TRHDE: variants seen among roughly 807,000 people sequenced by gnomAD.
TRHDE encodes thyrotropin-releasing hormone-degrading ectoenzyme.
TRHDE carries 72 observed loss-of-function variants against 125.7 expected under a neutral mutation model. That is an observed-to-expected ratio of 0.57 (90% CI 0.47 to 0.70). The LOEUF (loss-of-function observed/expected upper bound fraction) is 0.70, where lower values mean the gene tolerates loss of function less well. Ranked by LOEUF, TRHDE falls within the 30% of genes least tolerant of loss-of-function variation. TRHDE has a pLI of 0.00. For synonymous variants in TRHDE, 509 were observed against 509.1 expected (o/e 1.00, Z 0.00); for missense variants, 1,110 against 1,327.1 (o/e 0.84, Z 2.54).
At chr12:72,342,729 T>G (rs1402166840) in intron 2 of TRHDE, among the ~76,000 whole-genome samples, 1 of 152,096 alleles carries the variant, frequency 6.6e-6, no homozygotes, top group Admixed American at 6.6e-5. Context: ...TTAGAACACA[T>G]TCATTGATTT....
intron 2 of TRHDE, among the ~76,000 whole-genome samples, chr12:72,165,218 A>G (rs1876718232): frequency 6.6e-6 from 1 of 152,198 alleles, no homozygotes; most frequent in African/African-American, 2.4e-5. Context: ...TTGTTACACC[A>G]AGGGACTTCT....
intron 12 of TRHDE, among the ~76,000 whole-genome samples, chr12:72,586,199 TA>T (rs1354691963): frequency 6.6e-6 from 1 of 152,204 alleles, no homozygotes; most frequent in Non-Finnish European, 1.5e-5. Flanking sequence ...ACACTAGTCA[TA>T]AATATAAAAG....
At chr12:72,115,341 C>T (rs1322779905) in intron 2 of TRHDE, among the ~76,000 whole-genome samples, 1 of 150,488 alleles carries the variant, frequency 6.6e-6, no homozygotes, top group Non-Finnish European at 1.5e-5. Flanking sequence ...ACATAATGAC[C>T]TCTAGTTCCG....
At chr12:72,593,059 A>T (rs1321499518) in intron 12 of TRHDE, among the ~76,000 whole-genome samples, 2 of 152,216 alleles carry the variant, frequency 1.3e-5, no homozygotes, top group Non-Finnish European at 2.9e-5. Flanking sequence ...TACAGTGATC[A>T]GCCAGAAAAG....
At chr12:72,352,573 T>G (rs1026765454) in intron 2 of TRHDE, among the ~76,000 whole-genome samples, 1 of 151,854 alleles carries the variant, frequency 6.6e-6, no homozygotes, top group Non-Finnish European at 1.5e-5. Flanking sequence ...CTAGTAATTA[T>G]AAGCTTCCTA....
intron 7 of TRHDE, among the ~76,000 whole-genome samples, chr12:72,548,719 T>G (rs1265500977): frequency 6.6e-6 from 1 of 151,766 alleles, no homozygotes; most frequent in Non-Finnish European, 1.5e-5. Flanking sequence ...AATCCTCACA[T>G]AAAATTGATT....
intron 3 of TRHDE, among the ~76,000 whole-genome samples, chr12:72,380,824 TCCCTCTCTCCCTCCCTCCC>T: frequency 6.8e-6 from 1 of 146,976 alleles, no homozygotes; most frequent in African/African-American, 2.5e-5. Flanking sequence ...CCTTATTCCC[TCCCTCTCTCCCTCCCTCCC>T]TCCTTCTCTC....
chr12:72,315,588 C>T (rs1050352959), intron 2 of TRHDE, among the ~76,000 whole-genome samples: 23 of 152,136 alleles, frequency 1.5e-4, no homozygotes, highest in African/African-American at 5.3e-4. Flanking sequence ...TCTCTCTGTA[C>T]CTGAGCAGAT....
intron 6 of TRHDE, among the ~76,000 whole-genome samples, chr12:72,540,499 G>A (rs1043802550): frequency 3.3e-5 from 5 of 151,608 alleles, no homozygotes; most frequent in Non-Finnish European, 7.4e-5. Flanking sequence ...ATTACCTGGG[G>A]GGAAACACCT....
Position 72,652,316 on chromosome 12 carries a change from C to T in TRHDE, c.2676-6C>T. 2 of 1,431,134 alleles carry T rather than the reference C, an allele frequency of 1.4e-6. No homozygotes were observed. Among genetic ancestry groups the T allele is most frequent in the Non-Finnish European group, 9.2e-7 (1 of 1,083,680 alleles). The allele number at this position is 1,431,134 out of a possible 1,614,324, so 88.7% of individuals were successfully genotyped here. A position where few individuals can be genotyped will look rare whatever the true frequency, so the allele number is the denominator to read the frequency against. On this transcript the variant is annotated splice_region_variant and splice_polypyrimidine_tract_variant and intron_variant, in intron 15 of 18. Coordinates refer to ENST00000261180, the MANE Select transcript of TRHDE (RefSeq NM_013381.3). ...AACAGAAAACCACCATGGGTTGCTT[C>T]TTTAGAATACCACTAAATGTTAGAG... is the stretch of plus-strand genomic sequence containing the variant.
intron 2 of TRHDE, among the ~76,000 whole-genome samples, chr12:72,140,643 A>G (rs1348188848): frequency 1.3e-5 from 2 of 152,138 alleles, no homozygotes; most frequent in Admixed American, 1.3e-4. Flanking sequence ...GTCTTATTTA[A>G]TGAGAATATA....
intron 2 of TRHDE, among the ~76,000 whole-genome samples, chr12:72,227,053 A>G (rs1878142944): frequency 6.6e-6 from 1 of 152,244 alleles, no homozygotes; most frequent in Non-Finnish European, 1.5e-5. Context: ...GGATAACCAA[A>G]GCATTTCAAA....
intron 2 of TRHDE, among the ~76,000 whole-genome samples, chr12:72,225,189 G>C (rs1018469469): frequency 2.0e-5 from 3 of 152,046 alleles, no homozygotes; most frequent in Non-Finnish European, 4.4e-5. Context: ...TTTTTCTAGT[G>C]ATCATGTTGA....
chr12:72,301,843 G>A (rs1164115655), intron 2 of TRHDE, among the ~76,000 whole-genome samples: 1 of 152,058 alleles, frequency 6.6e-6, no homozygotes, highest in Non-Finnish European at 1.5e-5. Flanking sequence ...GAGCACAGAT[G>A]GTTAAATGGG....
rs1875194852 is a variant in TRHDE at position 72,669,367 on chromosome 12, A to G, written c.*6172A>G. On this transcript the variant is annotated 3_prime_UTR_variant, in exon 19 of 19. Coordinates refer to ENST00000261180, the MANE Select transcript of TRHDE (RefSeq NM_013381.3). ...ACATTTTCAATGGGTTTGCTGTGTG[A>G]AGATACAGTCTAAGATAAGTGCTTT... The G allele has an allele frequency of 1.3e-5, 2 of 151,818 alleles. No homozygotes were observed. Among genetic ancestry groups the G allele is most frequent in the African/African-American group, 4.8e-5 (2 of 41,406 alleles). 9.4% of individuals were successfully genotyped at this position (151,818 alleles called of 1,614,324 possible). A position where few individuals can be genotyped will look rare whatever the true frequency, so the allele number is the denominator to read the frequency against.
chr12:72,186,408 C>T (rs542566119), intron 2 of TRHDE: 102 of 155,382 alleles, frequency 6.6e-4, no homozygotes, highest in Admixed American at 1.6e-3. Context: ...TAACACTCAC[C>T]GCAAAGGTCT....
chr12:72,101,127 G>A (rs534968587), intron 1 of TRHDE, among the ~76,000 whole-genome samples: 15 of 152,292 alleles, frequency 9.8e-5, no homozygotes, highest in African/African-American at 2.9e-4. Context: ...TTGAATCACA[G>A]CATCTAGAAG....
intron 15 of TRHDE, among the ~76,000 whole-genome samples, chr12:72,639,243 A>G (rs1448610804): frequency 6.6e-6 from 1 of 151,696 alleles, no homozygotes; most frequent in Non-Finnish European, 1.5e-5. Context: ...TTCTCGCTTC[A>G]TTTCATTCAT....
chr12:72,443,568 A>C (rs1875127436), intron 3 of TRHDE, among the ~76,000 whole-genome samples: 1 of 151,756 alleles, frequency 6.6e-6, no homozygotes, highest in Non-Finnish European at 1.5e-5. Context: ...AAATAAGGAA[A>C]ACTTTTAGTG....
Sources: allele counts gnomAD v4.1 joint callset (sites outside exome capture counted in the v4.1 genomes callset), GRCh38; gene constraint gnomAD v4.1.1; transcripts MANE v1.5; gene names NCBI Gene and HGNC (gene_info 2026-07-23, HGNC 2026-07-21).